RORA: variants seen among roughly 807,000 people sequenced by gnomAD.
RORA encodes the protein RAR related orphan receptor A, also known as nuclear receptor ROR-alpha.
Under a neutral mutation model 69.5 loss-of-function variants are expected in RORA, and 7 were observed. That is an observed-to-expected ratio of 0.10 (90% CI 0.06 to 0.19). The LOEUF is 0.19. RORA is among the 10% of genes least tolerant of loss of function. The pLI, the probability that RORA is intolerant of heterozygous loss-of-function variation, is 1.00. For synonymous variants in RORA, 261 were observed against 240.8 expected, an observed-to-expected ratio of 1.08 and a Z score of -0.78; for missense variants, 457 against 663.0, an observed-to-expected ratio of 0.69 and a Z score of 3.41.
intron 2 of RORA, among the ~76,000 whole-genome samples, chr15:60,642,659 G>T (rs186360064): frequency 2.5e-4 from 38 of 152,224 alleles, no homozygotes; most frequent in Admixed American, 2.5e-3. Context: ...GGGAGGCTGA[G>T]GTAGGAGAAT....
chr15:60,999,781 C>G (rs1158000434), intron 1 of RORA, among the ~76,000 whole-genome samples: 1 of 152,200 alleles, frequency 6.6e-6, no homozygotes, highest in African/African-American at 2.4e-5. Context: ...CTTCATCCCC[C>G]CTCCCACCAG....
chr15:61,110,381 G>A (rs1446410506), intron 1 of RORA, among the ~76,000 whole-genome samples: 1 of 147,400 alleles, frequency 6.8e-6, no homozygotes, highest in Admixed American at 6.7e-5. Flanking sequence ...GCAACAGAGC[G>A]AGACTCAGTC....
intron 1 of RORA, among the ~76,000 whole-genome samples, chr15:61,028,672 A>G (rs940519323): frequency 1.3e-5 from 2 of 152,252 alleles, no homozygotes; most frequent in African/African-American, 4.8e-5. Flanking sequence ...CTAGTCATGC[A>G]GGTCAGGAAA....
intron 1 of RORA, among the ~76,000 whole-genome samples, chr15:61,181,763 G>T (rs1228498151): frequency 1.4e-5 from 2 of 146,232 alleles, no homozygotes; most frequent in Non-Finnish European, 3.0e-5. Context: ...TAAGAATTAA[G>T]ATGTTGCCCA....
chr15:60,603,331 G>A (rs1223718194), intron 2 of RORA, among the ~76,000 whole-genome samples: 1 of 152,184 alleles, frequency 6.6e-6, no homozygotes, highest in Non-Finnish European at 1.5e-5. Context: ...TTAATTATAA[G>A]AAATGCTTGA....
intron 1 of RORA, among the ~76,000 whole-genome samples, chr15:60,805,873 T>A (rs886545552): frequency 3.9e-5 from 6 of 152,224 alleles, no homozygotes; most frequent in Non-Finnish European, 7.3e-5. Context: ...TAATATGGTA[T>A]CTTTTCCTTT....
intron 2 of RORA, among the ~76,000 whole-genome samples, chr15:60,625,354 T>C (rs1199405315): frequency 6.6e-6 from 1 of 152,206 alleles, no homozygotes; most frequent in Non-Finnish European, 1.5e-5. Context: ...ACATACATTA[T>C]TGGTGGCCAC....
At chr15:60,955,539 G>C (rs1481056126) in intron 1 of RORA, among the ~76,000 whole-genome samples, 1 of 152,066 alleles carries the variant, frequency 6.6e-6, no homozygotes, top group Non-Finnish European at 1.5e-5. Flanking sequence ...AAAAATTCCT[G>C]GTTCTAAATG....
intron 2 of RORA, among the ~76,000 whole-genome samples, chr15:60,608,284 G>A (rs917632021): frequency 4.6e-5 from 7 of 152,150 alleles, no homozygotes; most frequent in African/African-American, 1.7e-4. Context: ...AATACTTTTT[G>A]TATTAAAGTC....
chr15:60,509,700 A>AT (rs1166622939), intron 5 of RORA, among the ~76,000 whole-genome samples: 1 of 151,946 alleles, frequency 6.6e-6, no homozygotes, highest in African/African-American at 2.4e-5. Context: ...ATCCTTATTC[A>AT]TATCTGAAAA....
At position 60,489,893 on chromosome 15, in the gene RORA, T is replaced by G. The variant is rs1394610961; in HGVS notation, c.*7562A>C. On this transcript the variant is annotated 3_prime_UTR_variant, in exon 11 of 11. Coordinates refer to ENST00000335670, the MANE Select transcript of RORA (RefSeq NM_134261.3). Reference sequence around the variant, plus strand: ...CCATTAAACAAGTTTCTTTAGGATCTTGAAGGCCTGGCAAATTATTTTTCA... The same window carrying G: ...CCATTAAACAAGTTTCTTTAGGATCGTGAAGGCCTGGCAAATTATTTTTCA... 6.6e-6 allele frequency: 1 copy of G among 152,170 alleles called. No individual in the cohort carries two copies. The highest frequency in any genetic ancestry group is 2.4e-5 in the African/African-American group (1 of 41,442). 9.4% of individuals were successfully genotyped at this position (152,170 alleles called of 1,614,324 possible). A position where few individuals can be genotyped will look rare whatever the true frequency, so the allele number is the denominator to read the frequency against.
At chr15:60,639,885 T>C (rs1467959979) in intron 2 of RORA, among the ~76,000 whole-genome samples, 1 of 152,176 alleles carries the variant, frequency 6.6e-6, no homozygotes, top group Non-Finnish European at 1.5e-5. Context: ...TACAATGTCA[T>C]AAAGCATCAA....
Position 60,576,655 on chromosome 15 carries a change from CT to C in RORA, c.197-44805del, listed in dbSNP as rs375472695. ...ATCTGTTAGTCGAGGGCTTAGCCTC[CT>C]TGTCACACTCAGGTGCTGACAGCTA... On this transcript the variant is annotated intron_variant, in intron 2 of 10. Transcript: ENST00000335670. 3.8e-4 allele frequency among the ~76,000 whole-genome samples: 58 copies of C among 152,340 alleles called. No individual in the cohort carries two copies. In the East Asian group the frequency reaches 7.1e-3, roughly 19 times the overall value.
At chr15:61,037,858 C>A (rs1896538834) in intron 1 of RORA, among the ~76,000 whole-genome samples, 1 of 152,046 alleles carries the variant, frequency 6.6e-6, no homozygotes, top group Admixed American at 6.5e-5. Flanking sequence ...CTGATGGGGG[C>A]AGTCAGGAAA....
intron 1 of RORA, among the ~76,000 whole-genome samples, chr15:60,918,445 C>T (rs1891943710): frequency 6.6e-6 from 1 of 152,184 alleles, no homozygotes; most frequent in South Asian, 2.1e-4. Flanking sequence ...TTTATTTACA[C>T]CACTCACACG....
chr15:61,018,111 T>C (rs1895368084), intron 1 of RORA, among the ~76,000 whole-genome samples: 2 of 152,254 alleles, frequency 1.3e-5, no homozygotes, highest in African/African-American at 4.8e-5. Context: ...TCCTATGTGA[T>C]ACTTTGTTAG....
rs147737702 is a variant in RORA at position 60,536,840 on chromosome 15, CCTAT to C, written c.197-4993_197-4990del. On this transcript the variant is annotated intron_variant, in intron 2 of 10. Coordinates refer to ENST00000335670, the MANE Select transcript of RORA (RefSeq NM_134261.3). ...GGTCAAAAACTAGTGCTTTAAAAAG[CCTAT>C]CTATCTTTTACACAGATCTGTTGAT... is the stretch of plus-strand genomic sequence containing the variant. Among the ~76,000 whole-genome samples the C allele has an allele frequency of 3.7e-3, 558 of 152,296 alleles. 4 individuals are homozygous for C. The highest frequency in any genetic ancestry group is 0.013 in the African/African-American group (524 of 41,562).
chr15:61,036,375 A>G (rs1416726391), intron 1 of RORA, among the ~76,000 whole-genome samples: 1 of 152,156 alleles, frequency 6.6e-6, no homozygotes, highest in African/African-American at 2.4e-5. Flanking sequence ...TGCGTTTACT[A>G]TAGGGCGGAA....
intron 1 of RORA, among the ~76,000 whole-genome samples, chr15:61,055,500 C>T (rs1201777404): frequency 6.6e-6 from 1 of 152,218 alleles, no homozygotes; most frequent in African/African-American, 2.4e-5. Context: ...GTCTCTCCCG[C>T]CCCTACAATG....
Sources: allele counts gnomAD v4.1 joint callset (sites outside exome capture counted in the v4.1 genomes callset), GRCh38; gene constraint gnomAD v4.1.1; transcripts MANE v1.5; gene names NCBI Gene and HGNC (gene_info 2026-07-23, HGNC 2026-07-21).